The following IQCJ variants were observed in gnomAD, a reference collection of about 807,000 sequenced individuals.
IQCJ encodes IQ motif containing J.
IQCJ carries 9 observed loss-of-function variants against 11.0 expected under a neutral mutation model. That is an observed-to-expected ratio of 0.82 (90% CI 0.49 to 1.43). The LOEUF is 1.43. Ranked by LOEUF, IQCJ falls within the 40% of genes most tolerant of loss-of-function variation. The pLI, the probability that IQCJ is intolerant of heterozygous loss-of-function variation, is 0.00. For missense variants in IQCJ, 146 were observed against 133.2 expected (o/e 1.10, Z -0.47); for synonymous variants, 55 against 51.3 (o/e 1.07, Z -0.31).
Position 159,133,300 on chromosome 3 carries a change from A to G in IQCJ, c.9+63859A>G, listed in dbSNP as rs185065687. On this transcript the variant is annotated intron_variant, in intron 1 of 3. Coordinates refer to ENST00000397832, the MANE Select transcript of IQCJ (RefSeq NM_001042706.3). Reference sequence around the variant, plus strand: ...ATAAATATTTAAACATCTCCTAAAAATAACATTGTGTCAGCTTCATTCCTT... The same window carrying G: ...ATAAATATTTAAACATCTCCTAAAAGTAACATTGTGTCAGCTTCATTCCTT... Among the ~76,000 whole-genome samples the G allele has an allele frequency of 1.6e-3, 251 of 152,300 alleles. 1 individual carries two copies. The highest frequency in any genetic ancestry group is 0.013 in the Admixed American group (195 of 15,276).
At chr3:159,132,718 G>T (rs904007209) in intron 1 of IQCJ, among the ~76,000 whole-genome samples, 1 of 152,132 alleles carries the variant, frequency 6.6e-6, no homozygotes, top group Non-Finnish European at 1.5e-5. Flanking sequence ...GGAAGATGTC[G>T]TATCTAGTTT....
chr3:159,197,165 A>C (rs962070772), intron 1 of IQCJ, among the ~76,000 whole-genome samples: 5 of 152,106 alleles, frequency 3.3e-5, no homozygotes, highest in Non-Finnish European at 7.3e-5. Flanking sequence ...GGAAGGACCA[A>C]GGCTTTTCTG....
At chr3:159,260,605 G>A (rs1384547797) in intron 3 of IQCJ, among the ~76,000 whole-genome samples, 2 of 152,130 alleles carry the variant, frequency 1.3e-5, no homozygotes, top group African/African-American at 4.8e-5. Context: ...GGGTCTTGAA[G>A]AAGCAAGAAG....
At chr3:159,235,815 G>T (rs1486641620) in intron 1 of IQCJ, among the ~76,000 whole-genome samples, 1 of 152,140 alleles carries the variant, frequency 6.6e-6, no homozygotes, top group Non-Finnish European at 1.5e-5. Flanking sequence ...AGTCTGGTTG[G>T]TCAAACAAGA....
chr3:159,079,178 G>A (rs1272500883), intron 1 of IQCJ, among the ~76,000 whole-genome samples: 1 of 152,084 alleles, frequency 6.6e-6, no homozygotes, highest in Non-Finnish European at 1.5e-5. Flanking sequence ...AAACTTCCCT[G>A]CATGTCATTG....
At chr3:159,157,864 G>C (rs186574066) in intron 1 of IQCJ, among the ~76,000 whole-genome samples, 1 of 152,226 alleles carries the variant, frequency 6.6e-6, no homozygotes, top group East Asian at 1.9e-4. Flanking sequence ...AAACACTTCA[G>C]TGCAGAGGGA....
chr3:159,226,389 A>G (rs574603757), intron 1 of IQCJ, among the ~76,000 whole-genome samples: 20 of 152,302 alleles, frequency 1.3e-4, no homozygotes, highest in African/African-American at 4.8e-4. Flanking sequence ...GTTCTTATGT[A>G]TGGAGCCAGG....
At chr3:159,232,327 G>A (rs970685715) in intron 1 of IQCJ, among the ~76,000 whole-genome samples, 5 of 151,562 alleles carry the variant, frequency 3.3e-5, no homozygotes, top group African/African-American at 1.2e-4. Flanking sequence ...CTGGTATGTT[G>A]TGTCTTTGTT....
At chr3:159,167,923 C>T (rs925494318) in intron 1 of IQCJ, among the ~76,000 whole-genome samples, 5 of 152,194 alleles carry the variant, frequency 3.3e-5, no homozygotes, top group Non-Finnish European at 7.3e-5. Flanking sequence ...TATTCTTTGT[C>T]ACTTCTTTTC....
Position 159,186,557 on chromosome 3 carries a change from C to A in IQCJ, c.10-59286C>A, listed in dbSNP as rs191006699. Among the ~76,000 whole-genome samples, 230 of 152,246 alleles carry A rather than the reference C, an allele frequency of 1.5e-3. 1 individual carries two copies. The highest frequency in any genetic ancestry group is 0.012 in the Admixed American group (176 of 15,296). On this transcript the variant is annotated intron_variant, in intron 1 of 3. Transcript: ENST00000397832. ...TCAGCAAGTAGAAGCCCCAGTCAAG[C>A]GCAGGTCAATCACCCCACATGCTCT...
chr3:159,141,477 T>A (rs2108181360), intron 1 of IQCJ, among the ~76,000 whole-genome samples: 1 of 152,332 alleles, frequency 6.6e-6, no homozygotes, highest in Non-Finnish European at 1.5e-5. Flanking sequence ...ACAATCTCTT[T>A]AGAATTTTGA....
At chr3:159,075,682 T>C (rs1418337378) in intron 1 of IQCJ, among the ~76,000 whole-genome samples, 1 of 152,102 alleles carries the variant, frequency 6.6e-6, no homozygotes, top group East Asian at 1.9e-4. Context: ...GAGGGGTCTG[T>C]GTATGTAGAC....
chr3:159,183,283 T>C (rs1462296789), intron 1 of IQCJ, among the ~76,000 whole-genome samples: 1 of 152,214 alleles, frequency 6.6e-6, no homozygotes, highest in Non-Finnish European at 1.5e-5. Flanking sequence ...TTTAAATAAT[T>C]ATGATGAGTA....
chr3:159,134,623 C>T (rs1292000981), intron 1 of IQCJ, among the ~76,000 whole-genome samples: 1 of 152,148 alleles, frequency 6.6e-6, no homozygotes, highest in African/African-American at 2.4e-5. Flanking sequence ...TCCTGGGACT[C>T]TCAGCAGATG....
chr3:159,146,075 T>C (rs1193825855), intron 1 of IQCJ, among the ~76,000 whole-genome samples: 1 of 152,174 alleles, frequency 6.6e-6, no homozygotes, highest in East Asian at 1.9e-4. Flanking sequence ...CTGTGGGAAG[T>C]GCATTCAATT....
intron 1 of IQCJ, among the ~76,000 whole-genome samples, chr3:159,070,370 C>T (rs1715482990): frequency 6.6e-6 from 1 of 152,032 alleles, no homozygotes; most frequent in South Asian, 2.1e-4. Flanking sequence ...ACTTGCTCTT[C>T]TAGTTATAAA....
intron 1 of IQCJ, among the ~76,000 whole-genome samples, chr3:159,116,480 G>C (rs1053677197): frequency 3.3e-5 from 5 of 151,374 alleles, no homozygotes; most frequent in East Asian, 1.9e-4. Context: ...TCTTAAGTTA[G>C]TCTGTTACCC....
chr3:159,209,648 G>A (rs1724844369), intron 1 of IQCJ, among the ~76,000 whole-genome samples: 1 of 152,270 alleles, frequency 6.6e-6, no homozygotes, highest in Admixed American at 6.5e-5. Flanking sequence ...GCGGGTACGG[G>A]GGGTTGTTCC....
chr3:159,121,451 C>A (rs1719378803), intron 1 of IQCJ, among the ~76,000 whole-genome samples: 1 of 152,096 alleles, frequency 6.6e-6, no homozygotes. Flanking sequence ...AGCATATTAT[C>A]AACTTGAACA....
Sources: gnomAD v4.1 joint callset for allele counts (sites outside exome capture counted in the v4.1 genomes callset) on GRCh38, gnomAD v4.1.1 for gene constraint, MANE v1.5 for transcripts, NCBI Gene and HGNC (gene_info 2026-07-23, HGNC 2026-07-21) for gene names.